PARP11: variants seen among roughly 807,000 people sequenced by gnomAD.
PARP11 encodes poly(ADP-ribose) polymerase family member 11.
In PARP11, 31 loss-of-function variants were observed where a neutral mutation model predicts 42.9. The observed-to-expected ratio is 0.72, with a 90% CI of 0.54 to 0.98. The LOEUF (loss-of-function observed/expected upper bound fraction) is 0.98. PARP11 is among the 50% of genes least tolerant of loss of function. PARP11 has a pLI of 0.00. For synonymous variants in PARP11, 137 were observed against 127.3 expected (o/e 1.08, Z -0.51); for missense variants, 365 against 413.1 (o/e 0.88, Z 1.01).
Position 3,810,312 on chromosome 12 carries a change from G to A in PARP11, c.*1811C>T, listed in dbSNP as rs1009464811. 7.2e-5 allele frequency: 11 copies of A among 152,270 alleles called. No individual in the cohort carries two copies. Among genetic ancestry groups the A allele is most frequent in the African/African-American group, 1.9e-4 (8 of 41,542 alleles). The allele number at this position is 152,270 out of a possible 1,614,324, so 9.4% of individuals were successfully genotyped here. ...AGGCAGAATCATAGAAAATCAGGCC[G>A]GGTACAGCGGCTCATGCCTGTAATC... On this transcript the variant is annotated 3_prime_UTR_variant, in exon 8 of 8. Transcript: ENST00000228820.
Position 3,810,715 on chromosome 12 carries a change from G to GAAGAGAAAGAGA in PARP11, c.*1396_*1407dup, listed in dbSNP as rs200307166. 529 of 142,942 alleles carry GAAGAGAAAGAGA rather than the reference G, an allele frequency of 3.7e-3. 7 individuals carry two copies. The highest frequency in any genetic ancestry group is 0.012 in the African/African-American group (467 of 37,398). 8.9% of individuals were successfully genotyped at this position (142,942 alleles called of 1,614,324 possible). On this transcript the variant is annotated 3_prime_UTR_variant, in exon 8 of 8. Coordinates refer to ENST00000228820, the MANE Select transcript of PARP11 (RefSeq NM_020367.6). ...AGAAGGAAGGAAGAGAGAGAGAAGAGAAGAGAAAGAGAAAGAGAAAGAGGA... is the reference window on the plus strand; with the variant it reads ...AGAAGGAAGGAAGAGAGAGAGAAGAGAAGAGAAAGAGAAAGAGAAAGAGAAAGAGAAAGAGGA...
chr12:3,848,578 G>A (rs150452650), intron 1 of PARP11, among the ~76,000 whole-genome samples: 1 of 152,196 alleles, frequency 6.6e-6, no homozygotes, highest in African/African-American at 2.4e-5. Flanking sequence ...AAATGGTGCT[G>A]GGAAAACTGA....
At position 3,854,543 on chromosome 12, in the gene PARP11, A is replaced by G. The variant is rs563541374; in HGVS notation, c.18+18669T>C. Among the ~76,000 whole-genome samples the G allele has an allele frequency of 7.9e-5, 12 of 152,282 alleles. No individual in the cohort carries two copies. The South Asian group carries it at 1.0e-3, about 13-fold the overall frequency. On this transcript the variant is annotated intron_variant, in intron 1 of 7. Transcript: ENST00000228820. ...ATAAACTAGAAAATCTAGAAGAAAT[A>G]GATAAATTCCTGGACATATACACCC...
At chr12:3,817,982 C>T (rs1275097668) in intron 6 of PARP11, among the ~76,000 whole-genome samples, 3 of 152,100 alleles carry the variant, frequency 2.0e-5, no homozygotes, top group Non-Finnish European at 4.4e-5. Flanking sequence ...TCTAAATTCA[C>T]ATTATTAACA....
chr12:3,852,839 C>A (rs565787510), intron 1 of PARP11, among the ~76,000 whole-genome samples: 8 of 152,020 alleles, frequency 5.3e-5, no homozygotes, highest in Non-Finnish European at 1.2e-4. Flanking sequence ...GCCAGATTCA[C>A]CAAGGTTGAA....
intron 1 of PARP11, among the ~76,000 whole-genome samples, chr12:3,866,679 A>C (rs889762464): frequency 4.6e-5 from 7 of 152,194 alleles, no homozygotes. Flanking sequence ...CAAAGCACAA[A>C]GTCCATTTGC....
intron 1 of PARP11, among the ~76,000 whole-genome samples, chr12:3,847,674 CAAAATA>C (rs1948028731): frequency 2.0e-5 from 3 of 152,054 alleles, no homozygotes; most frequent in African/African-American, 7.2e-5. Context: ...AAACGTATCT[CAAAATA>C]ATAAAGGCCA....
At chr12:3,849,354 C>G (rs1362009138) in intron 1 of PARP11, among the ~76,000 whole-genome samples, 1 of 152,090 alleles carries the variant, frequency 6.6e-6, no homozygotes, top group African/African-American at 2.4e-5. Context: ...TATCTGCACT[C>G]CCATGTTTAT....
chr12:3,852,463 A>G (rs753431361), intron 1 of PARP11, among the ~76,000 whole-genome samples: 5 of 152,226 alleles, frequency 3.3e-5, no homozygotes, highest in Admixed American at 1.3e-4. Flanking sequence ...GGAGCTGAAA[A>G]CCATGGCACA....
intron 1 of PARP11, among the ~76,000 whole-genome samples, chr12:3,845,910 A>C (rs1947985170): frequency 1.3e-5 from 2 of 152,220 alleles, no homozygotes; most frequent in Admixed American, 1.3e-4. Context: ...TTGGGGTTGA[A>C]CTTACTTGAA....
intron 1 of PARP11, among the ~76,000 whole-genome samples, chr12:3,869,021 C>T (rs1948434179): frequency 6.6e-6 from 1 of 152,226 alleles, no homozygotes; most frequent in Admixed American, 6.5e-5. Context: ...AAGCTACCCA[C>T]ATACCTTGGC....
At chr12:3,836,469 A>C (rs1565540059) in intron 1 of PARP11, among the ~76,000 whole-genome samples, 1 of 152,254 alleles carries the variant, frequency 6.6e-6, no homozygotes, top group South Asian at 2.1e-4. Context: ...CTTTACAAGA[A>C]ATAATAAAGG....
At chr12:3,839,899 G>C in intron 1 of PARP11, 1 of 1,064,932 alleles carries the variant, frequency 9.4e-7, no homozygotes, top group Non-Finnish European at 1.5e-6. Flanking sequence ...AGACAACAGT[G>C]AAATATCAGA....
chr12:3,821,907 T>G lies in PARP11; in HGVS notation c.514A>C (p.Ile172Leu). 5 of 1,608,240 alleles carry G rather than the reference T, an allele frequency of 3.1e-6. No homozygotes were observed. Among genetic ancestry groups the G allele is most frequent in the Non-Finnish European group, 4.2e-6 (5 of 1,178,816 alleles). Residue 172 changes from isoleucine to leucine, a missense_variant, in exon 6 of 8, where the codon ATT (isoleucine) becomes CTT (leucine). Ile to Leu is a conservative substitution (Grantham distance 5). Coordinates refer to ENST00000228820, the MANE Select transcript of PARP11 (RefSeq NM_020367.6). The stretch of plus-strand genomic sequence containing the variant: ...AACTCCCACAAATCTAGGTTTTGAA[T>G]TCTCTGAATTCTTTTAATTCGGTTG... ...DRNRIKRIQR[I>L]QNLDLWEFFC...
rs1205418965 is a variant in PARP11, at chr12:3,829,752, ACTTTT to A, written c.147+133_147+137del. The A allele has an allele frequency of 1.2e-4, 99 of 839,636 alleles. No individual in the cohort carries two copies. In the African/African-American group the frequency reaches 1.4e-3, roughly 12 times the overall value. 52.0% of individuals were successfully genotyped at this position (839,636 alleles called of 1,614,324 possible). On this transcript the variant is annotated intron_variant, in intron 2 of 7. Transcript: ENST00000228820. ...AGGAAAAGCACTGGAAGAATTTCTAACTTTTCTTTTAGTTAAACAATTTTATTTCC... is the reference window on the plus strand; with the variant it reads ...AGGAAAAGCACTGGAAGAATTTCTAACTTTTAGTTAAACAATTTTATTTCC...
intron 1 of PARP11, among the ~76,000 whole-genome samples, chr12:3,868,635 T>C (rs1264731343): frequency 1.3e-5 from 2 of 152,214 alleles, no homozygotes; most frequent in Non-Finnish European, 2.9e-5. Flanking sequence ...ATCTTATTCC[T>C]GGCTGCCCAT....
rs908489160 is a variant in PARP11, at chr12:3,840,235, A to G, written c.19-10217T>C. The G allele has an allele frequency of 1.2e-6, 2 of 1,612,620 alleles. No individual in the cohort carries two copies. The highest frequency in any genetic ancestry group is 2.7e-5 in the African/African-American group (2 of 74,914). On this transcript the variant is annotated intron_variant, in intron 1 of 7. Transcript: ENST00000228820. The surrounding 1 kb of genome is among the most constrained non-coding windows in gnomAD (Gnocchi z 4.4). ...AGACGTTCAAGGAGTTCATTCTGAGAATGGACCAGTTTTGGTTGAAGAACT... is the reference window on the plus strand; with the variant it reads ...AGACGTTCAAGGAGTTCATTCTGAGGATGGACCAGTTTTGGTTGAAGAACT...
chr12:3,857,613 T>G (rs1308054967), intron 1 of PARP11, among the ~76,000 whole-genome samples: 1 of 151,818 alleles, frequency 6.6e-6, no homozygotes, highest in African/African-American at 2.4e-5. Context: ...AAGGAGTAAA[T>G]TTCTTACCAG....
chr12:3,850,010 A>G (rs1344754050), intron 1 of PARP11, among the ~76,000 whole-genome samples: 4 of 152,094 alleles, frequency 2.6e-5, no homozygotes, highest in Non-Finnish European at 5.9e-5. Flanking sequence ...AATACATATC[A>G]TTATGCCTAT....
Sources: gnomAD v4.1 joint callset for allele counts (sites outside exome capture counted in the v4.1 genomes callset) on GRCh38, gnomAD v4.1.1 for gene constraint, Gnocchi (gnomAD v3.1) non-coding constraint, MANE v1.5 for transcripts, NCBI Gene and HGNC (gene_info 2026-07-23, HGNC 2026-07-21) for gene names.